Variants in CCSER1 observed in about 807,000 individuals in gnomAD.
The protein encoded by CCSER1 is coiled-coil serine rich protein 1.
In CCSER1, 41 loss-of-function variants were observed where a neutral mutation model predicts 82.0. The observed-to-expected ratio is 0.50, with a 90% CI of 0.39 to 0.65. The LOEUF (loss-of-function observed/expected upper bound fraction) is 0.65. Among genes scored for constraint, CCSER1 ranks in the 30% least tolerant of loss-of-function variants. The probability of loss-of-function intolerance (pLI) is 0.00; values close to 1 mark genes in which losing one functional copy is unlikely to be tolerated. For synonymous variants in CCSER1, 414 were observed against 383.9 expected, an observed-to-expected ratio of 1.08 and a Z score of -0.92; for missense variants, 1,119 against 1,064.2, an observed-to-expected ratio of 1.05 and a Z score of -0.72.
At chr4:91,089,051 A>G (rs899039035) in intron 10 of CCSER1, among the ~76,000 whole-genome samples, 2 of 152,188 alleles carry the variant, frequency 1.3e-5, no homozygotes, top group Non-Finnish European at 2.9e-5. Context: ...TAGTGAAGGA[A>G]GTAGCTTTTA....
At chr4:90,512,750 AAT>A (rs1771724549) in intron 5 of CCSER1, among the ~76,000 whole-genome samples, 1 of 152,192 alleles carries the variant, frequency 6.6e-6, no homozygotes, top group Admixed American at 6.5e-5. Flanking sequence ...TCATATTTAG[AAT>A]ATGTTTATCT....
At chr4:91,122,883 G>A (rs921019881) in intron 10 of CCSER1, among the ~76,000 whole-genome samples, 3 of 151,662 alleles carry the variant, frequency 2.0e-5, no homozygotes, top group South Asian at 4.2e-4. Context: ...GAAGGAAGAC[G>A]GTGTTAATTA....
intron 6 of CCSER1, among the ~76,000 whole-genome samples, chr4:90,698,694 G>C (rs1198082023): frequency 3.3e-5 from 5 of 152,148 alleles, no homozygotes; most frequent in African/African-American, 4.8e-5. Flanking sequence ...ACTGAGGTCT[G>C]ACTTGTTAGA....
At chr4:90,325,420 AG>A (rs1252958026) in intron 3 of CCSER1, among the ~76,000 whole-genome samples, 2 of 152,248 alleles carry the variant, frequency 1.3e-5, no homozygotes, top group Non-Finnish European at 2.9e-5. Flanking sequence ...AAAATTAAGA[AG>A]TTAGAAAACT....
intron 1 of CCSER1, among the ~76,000 whole-genome samples, chr4:90,162,943 G>A (rs1265199540): frequency 1.3e-5 from 2 of 152,034 alleles, no homozygotes; most frequent in African/African-American, 2.4e-5. Context: ...AACAATTTGT[G>A]TCTTTGTCCA....
intron 10 of CCSER1, among the ~76,000 whole-genome samples, chr4:91,231,147 C>T (rs1057043130): frequency 7.3e-5 from 11 of 151,672 alleles, no homozygotes; most frequent in Non-Finnish European, 1.2e-4. Flanking sequence ...ATACGCACGA[C>T]GGTATTCATT....
chr4:90,519,304 GTAAA>G (rs1487331539), intron 5 of CCSER1, among the ~76,000 whole-genome samples: 1 of 151,720 alleles, frequency 6.6e-6, no homozygotes. Context: ...AATAATATAA[GTAAA>G]TAAATTTTAA....
At chr4:91,379,192 G>A (rs1034668430) in intron 10 of CCSER1, among the ~76,000 whole-genome samples, 2 of 152,224 alleles carry the variant, frequency 1.3e-5, no homozygotes, top group East Asian at 1.9e-4. Context: ...TCTTCATCAG[G>A]GATATTGGTC....
At chr4:90,214,671 T>G (rs1222398743) in intron 1 of CCSER1, among the ~76,000 whole-genome samples, 2 of 152,190 alleles carry the variant, frequency 1.3e-5, no homozygotes, top group Non-Finnish European at 2.9e-5. Context: ...CAATCAGAGT[T>G]TCTGCTAATT....
At chr4:91,555,633 G>T (rs1762364203) in intron 10 of CCSER1, among the ~76,000 whole-genome samples, 1 of 140,636 alleles carries the variant, frequency 7.1e-6, no homozygotes, top group Non-Finnish European at 1.6e-5. Context: ...TCTAACAAAA[G>T]AATGAATATT....
chr4:90,955,340 C>T (rs1454334), intron 9 of CCSER1, among the ~76,000 whole-genome samples: 139,283 of 152,146 alleles, frequency 0.92, 63,894 homozygotes, highest in Middle Eastern at 0.96. Context: ...AGCTGGAAAA[C>T]TAGTCCTAAG....
intron 1 of CCSER1, among the ~76,000 whole-genome samples, chr4:90,238,006 A>G (rs1746110478): frequency 6.6e-6 from 1 of 152,146 alleles, no homozygotes; most frequent in East Asian, 1.9e-4. Context: ...GTTTGTGAAA[A>G]TGATTGTATG....
intron 8 of CCSER1, among the ~76,000 whole-genome samples, chr4:90,843,130 G>A (rs1762779071): frequency 6.6e-6 from 1 of 152,032 alleles, no homozygotes; most frequent in Non-Finnish European, 1.5e-5. Flanking sequence ...CCTTGGGTAA[G>A]TTACAAGTTA....
In CCSER1 at chr4:91,093,856, C is replaced by T. The variant is rs147718237; in HGVS notation, c.2217+7862C>T. On this transcript the variant is annotated intron_variant, in intron 10 of 10. Coordinates refer to ENST00000509176, the MANE Select transcript of CCSER1 (RefSeq NM_001145065.2). ...TGCCCCCCTTTGTAACCCCATACAA[C>T]GGTTTGGCTAGCACTGCAAAGTTTG... 7.1e-3 allele frequency among the ~76,000 whole-genome samples: 1,075 copies of T among 152,310 alleles called. 8 individuals are homozygous for T. The highest frequency in any genetic ancestry group is 0.024 in the African/African-American group (996 of 41,558).
chr4:90,205,378 G>T (rs1458557798), intron 1 of CCSER1, among the ~76,000 whole-genome samples: 1 of 152,146 alleles, frequency 6.6e-6, no homozygotes, highest in African/African-American at 2.4e-5. Flanking sequence ...TCAATACCTA[G>T]TTTATTGAGA....
intron 5 of CCSER1, among the ~76,000 whole-genome samples, chr4:90,578,193 A>G (rs1780985972): frequency 1.3e-5 from 2 of 152,178 alleles, no homozygotes; most frequent in African/African-American, 2.4e-5. Flanking sequence ...TTCTTCTGTA[A>G]TAAATTACCA....
In CCSER1 at chr4:91,000,038, A is replaced by G. The variant is rs974193836; in HGVS notation, c.2172+76591A>G. Reference sequence around the variant, plus strand: ...GCTATCCCAGCACCATTTATTGAATACGGAGTTCTTTCCCCACTGTTTATT... The same window carrying G: ...GCTATCCCAGCACCATTTATTGAATGCGGAGTTCTTTCCCCACTGTTTATT... On this transcript the variant is annotated intron_variant, in intron 9 of 10. Transcript: ENST00000509176. Among the ~76,000 whole-genome samples, 6 of 151,960 alleles carry G rather than the reference A, an allele frequency of 3.9e-5. No individual in the cohort carries two copies. In the South Asian group the frequency reaches 6.2e-4, roughly 16 times the overall value.
At chr4:91,044,524 C>T (rs927554216) in intron 9 of CCSER1, among the ~76,000 whole-genome samples, 1 of 152,162 alleles carries the variant, frequency 6.6e-6, no homozygotes, top group Non-Finnish European at 1.5e-5. Context: ...TTCCCTTCAT[C>T]CAGCCTCATT....
At chr4:90,491,647 C>G (rs1044149629) in intron 5 of CCSER1, among the ~76,000 whole-genome samples, 2 of 152,034 alleles carry the variant, frequency 1.3e-5, no homozygotes, top group African/African-American at 2.4e-5. Flanking sequence ...GATATTGGCT[C>G]TGGGTTTGCC....
Sources: allele counts gnomAD v4.1 joint callset (sites outside exome capture counted in the v4.1 genomes callset), GRCh38; gene constraint gnomAD v4.1.1; transcripts MANE v1.5; gene names NCBI Gene and HGNC (gene_info 2026-07-23, HGNC 2026-07-21).